RGPD4: variants seen among roughly 807,000 people sequenced by gnomAD.
RGPD4 encodes RANBP2 like and GRIP domain containing 4, also known as ranBP2-like and GRIP domain-containing protein 4.
A neutral mutation model predicts 141.1 loss-of-function variants in RGPD4; 84 were observed. That is an observed-to-expected ratio of 0.60 (90% CI 0.50 to 0.71). The LOEUF (loss-of-function observed/expected upper bound fraction) is 0.71, where lower values mean the gene tolerates loss of function less well. Among genes scored for constraint, RGPD4 ranks in the 30% least tolerant of loss-of-function variants. RGPD4 has a pLI of 0.00. For missense variants in RGPD4, 918 were observed against 1,622.4 expected, an observed-to-expected ratio of 0.57 and a Z score of 7.46; for synonymous variants, 298 against 566.8, an observed-to-expected ratio of 0.53 and a Z score of 6.74.
Position 107,880,085 on chromosome 2 carries a change from C to T in RGPD4, c.5042C>T (p.Ala1681Val). 1.2e-6 allele frequency: 2 copies of T among 1,611,352 alleles called. No individual in the cohort carries two copies. The highest frequency in any genetic ancestry group is 1.7e-6 in the Non-Finnish European group (2 of 1,179,848). The change falls in exon 21 of 23, where the codon GCA (alanine) becomes GTA (valine). Residue 1681 changes from alanine (A) to valine (V), a missense_variant. Coordinates refer to ENST00000408999, the MANE Select transcript of RGPD4 (RefSeq NM_182588.3). ...CTTCGGGAAGCAGAGGCAACCAGTGCAGTCCTTATGGAGCAAATTAAGGTG... is the reference window on the plus strand; with the variant it reads ...CTTCGGGAAGCAGAGGCAACCAGTGTAGTCCTTATGGAGCAAATTAAGGTG... ...GLLREAEATS[A>V]VLMEQIKLLK...
At chr2:107,855,468 T>A (rs1383336815) in intron 8 of RGPD4, among the ~76,000 whole-genome samples, 1 of 151,984 alleles carries the variant, frequency 6.6e-6, no homozygotes, top group African/African-American at 2.4e-5. Flanking sequence ...CTCTCATAAG[T>A]GCCTTTGCGT....
chr2:107,892,366 A>T lies in RGPD4; in HGVS notation c.*1635A>T, dbSNP rs1234829116. ...TATTTCACTTTCTCTTTGACTTGAG[A>T]CCTTTTGAAGTCTGTATAAACTTGT... On this transcript the variant is annotated 3_prime_UTR_variant, in exon 23 of 23. Transcript: ENST00000408999. Among the ~76,000 whole-genome samples, 1 of 58,634 alleles carries T rather than the reference A, an allele frequency of 1.7e-5. No individual in the cohort carries two copies. The highest frequency in any genetic ancestry group is 3.4e-5 in the Non-Finnish European group (1 of 29,018). 38.5% of individuals were successfully genotyped at this position (58,634 alleles called of 152,430 possible). A position where few individuals can be genotyped will look rare whatever the true frequency, so the allele number is the denominator to read the frequency against.
intron 21 of RGPD4, among the ~76,000 whole-genome samples, chr2:107,880,309 G>A (rs565362077): frequency 8.8e-6 from 1 of 114,076 alleles, no homozygotes; most frequent in Non-Finnish European, 1.6e-5. Flanking sequence ...TGTCACGCAG[G>A]CTGGAGTGCA....
Position 107,831,199 on chromosome 2 carries a change from AAT to A in RGPD4, c.72+4120_72+4121del, listed in dbSNP as rs1282577665. ...CTCCAAAAAAGAAAAAAAGAAAAAA[AAT>A]ATATAATTCTTTCTCTAGTTTTTCT... On this transcript the variant is annotated intron_variant, in intron 1 of 22. Transcript: ENST00000408999. 2.1e-4 allele frequency among the ~76,000 whole-genome samples: 30 copies of A among 141,956 alleles called. No homozygotes were observed. In the East Asian group the frequency reaches 5.6e-3, roughly 26 times the overall value. The allele number at this position is 141,956 out of a possible 152,430, so 93.1% of individuals were successfully genotyped here. A position where few individuals can be genotyped will look rare whatever the true frequency, so the allele number is the denominator to read the frequency against.
intron 21 of RGPD4, 37 bp from the exon 22 acceptor site, chr2:107,882,635 C>A: frequency 6.3e-7 from 1 of 1,575,936 alleles, no homozygotes; most frequent in Non-Finnish European, 8.7e-7. Context: ...ATCAGAAGCT[C>A]CTAAAGCCCA....
At chr2:107,827,461 G>C (rs1282120692) in intron 1 of RGPD4, among the ~76,000 whole-genome samples, 4 of 38,986 alleles carry the variant, frequency 1.0e-4, no homozygotes, top group Admixed American at 3.5e-4. Flanking sequence ...GGCTCCCGAC[G>C]GGCGCTGCTC....
At position 107,849,593 on chromosome 2, in the gene RGPD4, A is replaced by C. The variant is rs1225684947; in HGVS notation, c.978+1057A>C. Among the ~76,000 whole-genome samples, 3 of 44,036 alleles carry C rather than the reference A, an allele frequency of 6.8e-5. 1 individual carries two copies. The highest frequency in any genetic ancestry group is 1.9e-4 in the Admixed American group (1 of 5,308). 28.9% of individuals were successfully genotyped at this position (44,036 alleles called of 152,430 possible). On this transcript the variant is annotated intron_variant, in intron 7 of 22. Coordinates refer to ENST00000408999, the MANE Select transcript of RGPD4 (RefSeq NM_182588.3). ...CACCATGTTAGCCAGGATGGTCTCAATCTCCAGACCTAGTCATCCACCTGC... is the reference window on the plus strand; with the variant it reads ...CACCATGTTAGCCAGGATGGTCTCACTCTCCAGACCTAGTCATCCACCTGC...
At chr2:107,846,369 T>G (rs1471041138) in intron 6 of RGPD4, among the ~76,000 whole-genome samples, 1 of 151,766 alleles carries the variant, frequency 6.6e-6, no homozygotes, top group African/African-American at 2.4e-5. Context: ...CCCGGCCGTA[T>G]GTGGGTTATT....
chr2:107,844,830 GTTTTTTTT>G (rs1222283120), intron 6 of RGPD4, among the ~76,000 whole-genome samples: 51 of 26,154 alleles, frequency 1.9e-3, no homozygotes, highest in African/African-American at 7.1e-3. Context: ...TTTCTTTTTT[GTTTTTTTT>G]TTTTTTTTTT....
intron 20 of RGPD4, among the ~76,000 whole-genome samples, chr2:107,874,795 C>A (rs1269897348): frequency 1.3e-5 from 2 of 151,396 alleles, no homozygotes; most frequent in East Asian, 3.9e-4. Context: ...GAGAGGCTAT[C>A]TGATTTACCC....
At chr2:107,886,582 G>T (rs1325603261) in intron 22 of RGPD4, among the ~76,000 whole-genome samples, 1 of 151,152 alleles carries the variant, frequency 6.6e-6, no homozygotes, top group Non-Finnish European at 1.5e-5. Context: ...CTAGGTAAAA[G>T]GTCTAAGATG....
At chr2:107,827,106 C>G in intron 1 of RGPD4, 21 bp downstream of exon 1, 1 of 1,579,334 alleles carries the variant, frequency 6.3e-7, no homozygotes, top group Non-Finnish European at 8.6e-7. Flanking sequence ...CTCGAAGAGA[C>G]CGACGGCCTC....
Position 107,891,718 on chromosome 2 carries a change from T to C in RGPD4, c.*987T>C, listed in dbSNP as rs1675662260. 1.7e-5 allele frequency among the ~76,000 whole-genome samples: 2 copies of C among 117,196 alleles called. No individual in the cohort carries two copies. Among genetic ancestry groups the C allele is most frequent in the Admixed American group, 1.7e-4 (2 of 11,778 alleles). 76.9% of individuals were successfully genotyped at this position (117,196 alleles called of 152,430 possible). On this transcript the variant is annotated 3_prime_UTR_variant, in exon 23 of 23. Transcript: ENST00000408999. ...GAATCTGTTTTGAGAATCCTCTCCA[T>C]TTTCCCAAATAAAAACCTATCCCAA...
intron 22 of RGPD4, among the ~76,000 whole-genome samples, chr2:107,888,379 T>C (rs1358727402): frequency 1.3e-5 from 2 of 151,350 alleles, no homozygotes; most frequent in Non-Finnish European, 2.9e-5. Context: ...CAACAGTGCA[T>C]TTCAGTTTAG....
chr2:107,846,831 T>G (rs1250628260), intron 6 of RGPD4, among the ~76,000 whole-genome samples: 3 of 151,398 alleles, frequency 2.0e-5, no homozygotes, highest in Non-Finnish European at 4.4e-5. Context: ...CAGAAAAGTG[T>G]CATTGTTTTT....
rs1183401760 is a variant in RGPD4 at position 107,827,045 on chromosome 2, A to C, written c.32A>C (p.Tyr11Ser). Reference protein sequence around the residue: MSCSKAYGERYVASVQGSAPS... With the variant: MSCSKAYGERSVASVQGSAPS... ...TGCAGCAAGGCCTACGGGGAGCGGT[A>C]CGTCGCCTCCGTGCAGGGCTCCGCC... is the stretch of plus-strand genomic sequence containing the variant. Residue 11 changes from tyrosine (Y) to serine (S), a missense_variant, in exon 1 of 23, where the codon TAC (tyrosine) becomes TCC (serine). By Grantham distance (144) the Tyr-to-Ser change is moderately radical. Transcript: ENST00000408999. The C allele has an allele frequency of 6.3e-7, 1 of 1,598,646 alleles. No individual in the cohort carries two copies. The highest frequency in any genetic ancestry group is 8.5e-7 in the Non-Finnish European group (1 of 1,174,046).
intron 1 of RGPD4, among the ~76,000 whole-genome samples, chr2:107,834,444 T>C (rs1360557347): frequency 1.3e-5 from 2 of 151,934 alleles, no homozygotes; most frequent in Non-Finnish European, 2.9e-5. Context: ...AATAACATGA[T>C]AAAAATCTCA....
At position 107,873,683 on chromosome 2, in the gene RGPD4, G is replaced by T. The variant is rs536811018; in HGVS notation, c.4924+755G>T. 7.1e-4 allele frequency among the ~76,000 whole-genome samples: 108 copies of T among 151,914 alleles called. 1 individual carries two copies. The South Asian group carries it at 0.022, about 31-fold the overall frequency. ...AAGGAGCAAAGAATGAAACTACAGG[G>T]ATAAATGAATATGTAAGACAGATTG... On this transcript the variant is annotated intron_variant, in intron 20 of 22. Coordinates refer to ENST00000408999, the MANE Select transcript of RGPD4 (RefSeq NM_182588.3).
At chr2:107,834,290 T>C (rs1201962278) in intron 1 of RGPD4, among the ~76,000 whole-genome samples, 1 of 149,676 alleles carries the variant, frequency 6.7e-6, no homozygotes, top group Non-Finnish European at 1.5e-5. Context: ...TTTCTGATTG[T>C]TCGTTGCTGG....
Sources: allele counts gnomAD v4.1 joint callset (sites outside exome capture counted in the v4.1 genomes callset), GRCh38; gene constraint gnomAD v4.1.1; transcripts MANE v1.5; gene names NCBI Gene and HGNC (gene_info 2026-07-23, HGNC 2026-07-21).